The following PALS1 variants were observed in gnomAD, a reference collection of about 807,000 sequenced individuals.
PALS1 encodes protein PALS1.
In PALS1, 31 loss-of-function variants were observed where a neutral mutation model predicts 78.9. That is an observed-to-expected ratio of 0.39 (90% CI 0.30 to 0.53). PALS1 has a LOEUF of 0.53. Ranked by LOEUF, PALS1 falls within the 20% of genes least tolerant of loss-of-function variation. PALS1 has a pLI of 0.67. For missense variants in PALS1, 704 were observed against 826.5 expected, an observed-to-expected ratio of 0.85 and a Z score of 1.82; for synonymous variants, 276 against 270.9, an observed-to-expected ratio of 1.02 and a Z score of -0.18.
At chr14:67,253,142 GTTAA>G (rs1273870169) in intron 1 of PALS1, among the ~76,000 whole-genome samples, 1 of 152,166 alleles carries the variant, frequency 6.6e-6, no homozygotes, top group East Asian at 1.9e-4. Context: ...CAATGAACAG[GTTAA>G]CTTATCAAAG....
intron 4 of PALS1, among the ~76,000 whole-genome samples, chr14:67,295,443 T>A (rs1312892368): frequency 2.0e-5 from 3 of 151,552 alleles, no homozygotes; most frequent in African/African-American, 7.3e-5. Context: ...TGAGCTGAGA[T>A]TGCACCACTG....
Position 67,263,232 on chromosome 14 carries a change from T to C in PALS1, c.-236-6469T>C, listed in dbSNP as rs190550197. Among the ~76,000 whole-genome samples the C allele has an allele frequency of 6.6e-5, 10 of 152,296 alleles. No individual in the cohort carries two copies. The East Asian group carries it at 1.7e-3, about 26-fold the overall frequency. On this transcript the variant is annotated intron_variant, in intron 1 of 14. Coordinates refer to ENST00000261681, the MANE Select transcript of PALS1 (RefSeq NM_022474.4). ...TGTGTAATATATAGGGACCCTAATT[T>C]GTCTAATTGAAAAGAATCATGATGC...
intron 9 of PALS1, among the ~76,000 whole-genome samples, chr14:67,315,147 C>CTA (rs2085148283): frequency 6.6e-6 from 1 of 151,720 alleles, no homozygotes; most frequent in Non-Finnish European, 1.5e-5. Flanking sequence ...TCAGAATAGC[C>CTA]TATAGTTCAT....
chr14:67,254,030 C>CCG (rs1567501742), intron 1 of PALS1, among the ~76,000 whole-genome samples: 1 of 139,702 alleles, frequency 7.2e-6, no homozygotes, highest in African/African-American at 2.7e-5. Context: ...ATTCATCCCC[C>CCG]CCCCCTTACA....
At chr14:67,243,438 T>C (rs2083935819) in intron 1 of PALS1, among the ~76,000 whole-genome samples, 1 of 151,190 alleles carries the variant, frequency 6.6e-6, no homozygotes, top group African/African-American at 2.4e-5. Flanking sequence ...TCCACCCGCC[T>C]CGGCCTCCTG....
chr14:67,291,504 C>T (rs1220807430), intron 3 of PALS1, among the ~76,000 whole-genome samples: 2 of 152,090 alleles, frequency 1.3e-5, no homozygotes, highest in African/African-American at 4.8e-5. Flanking sequence ...AGGCTGGTCT[C>T]GAACTCCTGA....
At chr14:67,313,296 C>T (rs1430018576) in intron 9 of PALS1, among the ~76,000 whole-genome samples, 1 of 152,130 alleles carries the variant, frequency 6.6e-6, no homozygotes, top group Non-Finnish European at 1.5e-5. Flanking sequence ...CATCACTTAA[C>T]GACAGGGATA....
intron 14 of PALS1, among the ~76,000 whole-genome samples, chr14:67,331,217 G>C (rs1223957013): frequency 6.6e-6 from 1 of 151,952 alleles, no homozygotes; most frequent in South Asian, 2.1e-4. Context: ...GCTATTTTTT[G>C]TATTTTTAAT....
At chr14:67,328,880 G>A (rs2085399947) in intron 14 of PALS1, among the ~76,000 whole-genome samples, 3 of 152,160 alleles carry the variant, frequency 2.0e-5, no homozygotes, top group African/African-American at 4.8e-5. Context: ...GGTTACTGTA[G>A]CCTTGTAGTA....
intron 1 of PALS1, 29 bp from the exon 2 acceptor site, chr14:67,269,672 A>G (rs1033825017): frequency 6.6e-6 from 1 of 152,564 alleles, no homozygotes; most frequent in African/African-American, 2.4e-5. Flanking sequence ...TGTACATTTG[A>G]TCAATTGTCT....
chr14:67,326,962 G>A (rs953983206), intron 14 of PALS1, among the ~76,000 whole-genome samples: 1 of 151,888 alleles, frequency 6.6e-6, no homozygotes, highest in Admixed American at 6.6e-5. Context: ...ATCACTTGAG[G>A]TGAGGAGTTT....
At chr14:67,270,587 C>CT (rs151185607) in intron 2 of PALS1, 45,615 of 139,506 alleles carry the variant, frequency 0.33, 7,537 homozygotes, top group East Asian at 0.49. Flanking sequence ...TGTCAAAGGA[C>CT]TTTTTTTTTT....
intron 2 of PALS1, among the ~76,000 whole-genome samples, chr14:67,276,450 G>A (rs1460472824): frequency 6.6e-6 from 1 of 152,094 alleles, no homozygotes; most frequent in Non-Finnish European, 1.5e-5. Context: ...GTATCCTTAT[G>A]TTTTGAGTGT....
intron 4 of PALS1, among the ~76,000 whole-genome samples, chr14:67,293,753 C>G (rs2084805895): frequency 6.6e-6 from 1 of 152,104 alleles, no homozygotes; most frequent in Non-Finnish European, 1.5e-5. Context: ...AACACACAGG[C>G]AAGTGAACTG....
intron 6 of PALS1, 99 bp from the exon 7 acceptor site, chr14:67,302,311 G>T: frequency 3.7e-6 from 4 of 1,091,536 alleles, no homozygotes; most frequent in Non-Finnish European, 4.9e-6. Flanking sequence ...GATAACTGAA[G>T]GTTAGTATTG....
intron 8 of PALS1, 43 bp from the exon 9 acceptor site, chr14:67,312,484 T>G (rs780982119): frequency 7.3e-7 from 1 of 1,378,726 alleles, no homozygotes; most frequent in Non-Finnish European, 9.7e-7. Context: ...TGAAACATTT[T>G]ATATTGCCAT....
intron 1 of PALS1, among the ~76,000 whole-genome samples, chr14:67,246,810 C>T (rs1355973456): frequency 6.6e-6 from 1 of 152,114 alleles, no homozygotes; most frequent in Non-Finnish European, 1.5e-5. Context: ...CACCACCACG[C>T]CCAGCTAATT....
chr14:67,256,897 G>C (rs991002821), intron 1 of PALS1, among the ~76,000 whole-genome samples: 4 of 152,234 alleles, frequency 2.6e-5, no homozygotes, highest in African/African-American at 9.6e-5. Context: ...ACCAAAGAAT[G>C]TGGGTATTGT....
At chr14:67,318,764 G>T (rs2085216717) in intron 11 of PALS1, among the ~76,000 whole-genome samples, 1 of 152,062 alleles carries the variant, frequency 6.6e-6, no homozygotes, top group Non-Finnish European at 1.5e-5. Flanking sequence ...ATAGATTCAA[G>T]TTTAGATATT....
Sources: allele counts gnomAD v4.1 joint callset (sites outside exome capture counted in the v4.1 genomes callset), GRCh38; gene constraint gnomAD v4.1.1; transcripts MANE v1.5; gene names NCBI Gene and HGNC (gene_info 2026-07-23, HGNC 2026-07-21).